DHX37: variants seen among roughly 807,000 people sequenced by gnomAD.
DHX37 encodes the protein DEAH-box helicase 37.
Under a neutral mutation model 134.3 loss-of-function variants are expected in DHX37, and 52 were observed. The observed-to-expected ratio is 0.39, with a 90% confidence interval of 0.31 to 0.49. The LOEUF is 0.49. Ranked by LOEUF, DHX37 falls within the 20% of genes least tolerant of loss-of-function variation. The probability of loss-of-function intolerance (pLI) is 0.93; values close to 1 mark genes in which losing one functional copy is unlikely to be tolerated. For synonymous variants in DHX37, 634 were observed against 670.7 expected (o/e 0.95, Z 0.85); for missense variants, 1,344 against 1,580.8 (o/e 0.85, Z 2.54).
chr12:124,980,508 G>A lies in DHX37; in HGVS notation c.720C>T (p.Asn240=). Residue 240 remains asparagine (N), a synonymous_variant, in exon 4 of 27, where the codon AAC becomes AAT. Transcript: ENST00000308736. This position sits in a 1 kb window ranked among gnomAD's most constrained non-coding sequence, Gnocchi z 5.3. ...GGCGAACCTGCATTTCCGGGGAGCG[G>A]TTCACGGGGATGAAGACGGCGGGCT... The part of the protein sequence containing the change: ...LAKPAVFIPV[N]RSPEMQEERL... The A allele has an allele frequency of 1.2e-6, 2 of 1,610,854 alleles. No homozygotes were observed. The highest frequency in any genetic ancestry group is 1.7e-6 in the Non-Finnish European group (2 of 1,179,308).
chr12:124,962,527 G>A (rs1369621915), intron 15 of DHX37, among the ~76,000 whole-genome samples: 1 of 152,046 alleles, frequency 6.6e-6, no homozygotes, highest in Non-Finnish European at 1.5e-5. Flanking sequence ...GTGGTGGTGG[G>A]CACCTGTAAT....
At chr12:124,987,119 A>G (rs1406410940) in intron 1 of DHX37, among the ~76,000 whole-genome samples, 1 of 152,190 alleles carries the variant, frequency 6.6e-6, no homozygotes, top group Admixed American at 6.5e-5. Flanking sequence ...ACTTTGGGAA[A>G]ATCACCTGAG....
chr12:124,980,703 C>A lies in DHX37; in HGVS notation c.525G>T (p.Glu175Asp). Reference protein sequence around the residue: ...EEEESESELEEESELDEDPAA... With the variant: ...EEEESESELEDESELDEDPAA... ...CTGGGTCCTCGTCCAGCTCCGACTCCTCCTCCAGCTCCGATTCCGACTCCT... is the reference window on the plus strand; with the variant it reads ...CTGGGTCCTCGTCCAGCTCCGACTCATCCTCCAGCTCCGATTCCGACTCCT... The change falls in exon 4 of 27, where the codon GAG becomes GAT. Residue 175 changes from glutamate to aspartate, a missense_variant. Transcript: ENST00000308736. This position sits in a 1 kb window ranked among gnomAD's most constrained non-coding sequence, Gnocchi z 5.3. The A allele has an allele frequency of 6.4e-7, 1 of 1,569,542 alleles. No individual in the cohort carries two copies.
At chr12:124,968,481 A>C in intron 10 of DHX37, 53 bp downstream of exon 10, 1 of 1,598,782 alleles carries the variant, frequency 6.3e-7, no homozygotes, top group Non-Finnish European at 8.5e-7. Context: ...TCGTGCTTTC[A>C]GCGAGGGTTT....
intron 16 of DHX37, among the ~76,000 whole-genome samples, chr12:124,959,569 G>C (rs1393642555): frequency 2.6e-5 from 4 of 152,126 alleles, no homozygotes; most frequent in Admixed American, 1.3e-4. Flanking sequence ...CCCCAAAGCA[G>C]CGTGTAACAT....
chr12:124,956,062 T>C (rs1055012801), intron 18 of DHX37, among the ~76,000 whole-genome samples: 1 of 152,222 alleles, frequency 6.6e-6, no homozygotes, highest in Non-Finnish European at 1.5e-5. Context: ...ACAGGCAGAT[T>C]GACCCTAAGG....
intron 2 of DHX37, among the ~76,000 whole-genome samples, chr12:124,982,927 T>C (rs949345012): frequency 6.6e-6 from 1 of 152,134 alleles, no homozygotes; most frequent in Non-Finnish European, 1.5e-5. Flanking sequence ...AGTTCAGTCA[T>C]GTACAGCAGT....
chr12:124,968,100 G>A (rs913937491), intron 10 of DHX37, among the ~76,000 whole-genome samples: 3 of 151,662 alleles, frequency 2.0e-5, no homozygotes, highest in African/African-American at 7.3e-5. Flanking sequence ...AAGTCTGGCT[G>A]GAAGCGATCA....
At chr12:124,970,791 C>T (rs192440492) in intron 8 of DHX37, among the ~76,000 whole-genome samples, 16 of 152,340 alleles carry the variant, frequency 1.1e-4, no homozygotes, top group African/African-American at 3.1e-4. Flanking sequence ...CCCCTCTCCC[C>T]GCCGGGAGGG....
intron 12 of DHX37, among the ~76,000 whole-genome samples, chr12:124,966,152 C>G (rs73229571): frequency 1.3e-5 from 2 of 152,152 alleles, no homozygotes; most frequent in African/African-American, 4.8e-5. Context: ...GGTGCCTTCA[C>G]GCAGAGGCTA....
At chr12:124,970,925 G>A (rs80184159) in intron 8 of DHX37, among the ~76,000 whole-genome samples, 167 of 152,334 alleles carry the variant, frequency 1.1e-3, no homozygotes, top group East Asian at 6.4e-3. Flanking sequence ...TCAGAGCTCC[G>A]GGAGCCTGGC....
At chr12:124,978,178 C>G (rs1470725146) in intron 4 of DHX37, among the ~76,000 whole-genome samples, 1 of 150,576 alleles carries the variant, frequency 6.6e-6, no homozygotes, top group Non-Finnish European at 1.5e-5. Flanking sequence ...CCAGGCTGGT[C>G]TTGAACTCCT....
intron 8 of DHX37, among the ~76,000 whole-genome samples, chr12:124,970,565 C>T (rs1594496595): frequency 1.3e-5 from 2 of 152,138 alleles, no homozygotes; most frequent in Admixed American, 6.5e-5. Flanking sequence ...GGTCACTTTT[C>T]GGGTGAAGCC....
chr12:124,985,786 G>C (rs1449787897), intron 2 of DHX37, among the ~76,000 whole-genome samples: 11 of 146,304 alleles, frequency 7.5e-5, no homozygotes, highest in Admixed American at 1.4e-4. Context: ...TGTCGGGGGT[G>C]GGGGAACAAA....
Position 124,949,989 on chromosome 12 carries a change from G to C in DHX37, c.3287C>G (p.Ala1096Gly). The change falls in exon 25 of 27, where the codon GCC (alanine) becomes GGC (glycine). Residue 1096 changes from alanine to glycine, a missense_variant. Transcript: ENST00000308736. This position sits in a 1 kb window ranked among gnomAD's most constrained non-coding sequence, Gnocchi z 4.0. ...AGGCTCCCACCGAAGGCAGTACCTG[G>C]CCCACGTCTTCAGCATGGTGCCGGG... ...SSPGTMLKTW[A>G]RLQPRTESLL... 1 of 1,609,360 alleles carries C rather than the reference G, an allele frequency of 6.2e-7. No homozygotes were observed. Among genetic ancestry groups the C allele is most frequent in the Non-Finnish European group, 8.5e-7 (1 of 1,177,522 alleles).
chr12:124,975,870 C>G (rs1390218379), intron 5 of DHX37, among the ~76,000 whole-genome samples: 12 of 152,182 alleles, frequency 7.9e-5, no homozygotes, highest in Non-Finnish European at 8.8e-5. Context: ...ATTAACACCA[C>G]AGACCTGCAG....
intron 18 of DHX37, 44 bp downstream of exon 18, chr12:124,956,647 C>T (rs1342977966): frequency 1.7e-5 from 25 of 1,495,768 alleles, no homozygotes; most frequent in East Asian, 2.4e-5. Flanking sequence ...GAGCCCCCGT[C>T]GGAACTGAGC....
intron 2 of DHX37, among the ~76,000 whole-genome samples, chr12:124,983,523 G>A (rs1305117859): frequency 6.6e-6 from 1 of 151,750 alleles, no homozygotes; most frequent in Admixed American, 6.6e-5. Context: ...AGTGGCTCAC[G>A]CCTGCAATCT....
rs1484885462 is a variant in DHX37 at position 124,964,874 on chromosome 12, C to A, written c.1812+56G>T. Reference sequence around the variant, plus strand: ...GGACCACCAAGGGCTTGACCAACCCCACTGTAATGCCCTTAAAAGTGCCCC... The same window carrying A: ...GGACCACCAAGGGCTTGACCAACCCAACTGTAATGCCCTTAAAAGTGCCCC... On this transcript the variant is annotated intron_variant, in intron 14 of 26. Transcript: ENST00000308736. 3.3e-6 allele frequency: 5 copies of A among 1,535,210 alleles called. No homozygotes were observed. The Admixed American group carries it at 1.0e-4, about 32-fold the overall frequency.
Sources: gnomAD v4.1 joint callset for allele counts (sites outside exome capture counted in the v4.1 genomes callset) on GRCh38, gnomAD v4.1.1 for gene constraint, Gnocchi (gnomAD v3.1) non-coding constraint, MANE v1.5 for transcripts, NCBI Gene and HGNC (gene_info 2026-07-23, HGNC 2026-07-21) for gene names.